COX7B2: variants seen among roughly 807,000 people sequenced by gnomAD.
The protein encoded by COX7B2 is cytochrome c oxidase subunit 7B2.
For synonymous variants in COX7B2, 37 were observed against 32.1 expected (o/e 1.15, Z -0.51); for missense variants, 109 against 95.9 (o/e 1.14, Z -0.57).
intron 2 of COX7B2, among the ~76,000 whole-genome samples, chr4:46,762,441 G>A (rs1461082804): frequency 3.0e-5 from 4 of 131,408 alleles, no homozygotes; most frequent in Admixed American, 8.6e-5. Flanking sequence ...TATATATACT[G>A]TATATATATA....
intron 2 of COX7B2, among the ~76,000 whole-genome samples, chr4:46,792,929 A>G (rs1056636362): frequency 1.3e-5 from 2 of 152,212 alleles, no homozygotes; most frequent in Non-Finnish European, 2.9e-5. Flanking sequence ...AGAGATACAC[A>G]AAATATCTGC....
At chr4:46,892,638 A>G (rs1719496758) in intron 1 of COX7B2, among the ~76,000 whole-genome samples, 2 of 152,214 alleles carry the variant, frequency 1.3e-5, no homozygotes, top group South Asian at 4.1e-4. Context: ...TAATCAGAAA[A>G]AAATGACTCC....
rs1714283774 is a variant in COX7B2, at chr4:46,735,117, T to G, written c.76A>C (p.Ser26Arg). The G allele has an allele frequency of 3.7e-6, 6 of 1,613,578 alleles. No homozygotes were observed. The highest frequency in any genetic ancestry group is 3.3e-5 in the Admixed American group (2 of 59,952). Reference protein sequence around the residue: ...QSILQSMARHSHVKHSPDFHD... With the variant: ...QSILQSMARHRHVKHSPDFHD... ...AAATCTGGTGAGTGTTTTACATGGCTATGTCTTGCCATGCTTTGCAGAATG... is the reference window on the plus strand; with the variant it reads ...AAATCTGGTGAGTGTTTTACATGGCGATGTCTTGCCATGCTTTGCAGAATG... Residue 26 changes from serine (S) to arginine (R), a missense_variant, in exon 3 of 3, where the codon AGC (serine) becomes CGC (arginine). Coordinates refer to ENST00000355591, the MANE Select transcript of COX7B2 (RefSeq NM_130902.3).
intron 2 of COX7B2, among the ~76,000 whole-genome samples, chr4:46,807,517 G>C (rs1719066534): frequency 6.6e-6 from 1 of 151,798 alleles, no homozygotes; most frequent in Admixed American, 6.6e-5. Flanking sequence ...GTTTGATGTA[G>C]TCTCATTTAT....
chr4:46,861,760 C>A (rs1451783724), intron 1 of COX7B2, among the ~76,000 whole-genome samples: 2 of 152,274 alleles, frequency 1.3e-5, no homozygotes, highest in East Asian at 3.9e-4. Flanking sequence ...CATGTTACTT[C>A]CAGGCACGAA....
At chr4:46,852,005 G>C (rs1415130377) in intron 1 of COX7B2, among the ~76,000 whole-genome samples, 1 of 151,914 alleles carries the variant, frequency 6.6e-6, no homozygotes, top group African/African-American at 2.4e-5. Flanking sequence ...GCAAAATCCT[G>C]TTTCTCCCAA....
At chr4:46,782,678 AC>A (rs1253003582) in intron 2 of COX7B2, among the ~76,000 whole-genome samples, 27 of 152,206 alleles carry the variant, frequency 1.8e-4, no homozygotes, top group Admixed American at 1.8e-3. Context: ...GAGCTGTAAC[AC>A]TCACCATGAA....
chr4:46,779,382 T>TTG (rs1560375178), intron 2 of COX7B2, among the ~76,000 whole-genome samples: 2 of 152,160 alleles, frequency 1.3e-5, no homozygotes, highest in African/African-American at 4.8e-5. Flanking sequence ...TAATATTCCG[T>TTG]TGTGTATATA....
At chr4:46,883,898 G>C (rs1718903899) in intron 1 of COX7B2, among the ~76,000 whole-genome samples, 1 of 151,886 alleles carries the variant, frequency 6.6e-6, no homozygotes, top group Admixed American at 6.6e-5. Context: ...AATCATCCTG[G>C]AAACATGATG....
At chr4:46,761,224 T>C (rs1297326630) in intron 2 of COX7B2, among the ~76,000 whole-genome samples, 1 of 152,112 alleles carries the variant, frequency 6.6e-6, no homozygotes, top group African/African-American at 2.4e-5. Flanking sequence ...AACCAGAGCT[T>C]CTTGAAAAAT....
chr4:46,796,178 T>C (rs1718328153), intron 2 of COX7B2, among the ~76,000 whole-genome samples: 1 of 139,198 alleles, frequency 7.2e-6, no homozygotes, highest in South Asian at 2.3e-4. Flanking sequence ...TTTTCCTAAT[T>C]GAATACCCTT....
At chr4:46,740,420 A>G (rs1212624231) in intron 2 of COX7B2, among the ~76,000 whole-genome samples, 1 of 152,096 alleles carries the variant, frequency 6.6e-6, no homozygotes, top group Non-Finnish European at 1.5e-5. Context: ...TTAAGCTCCC[A>G]ATATAATGAA....
intron 2 of COX7B2, among the ~76,000 whole-genome samples, chr4:46,801,107 G>A (rs185848585): frequency 6.6e-6 from 1 of 151,966 alleles, no homozygotes; most frequent in African/African-American, 2.4e-5. Flanking sequence ...GGCAAACCTA[G>A]GGAGAAAAGA....
chr4:46,884,424 G>A lies in COX7B2; in HGVS notation c.-105+24736C>T, dbSNP rs546381066. Among the ~76,000 whole-genome samples the A allele has an allele frequency of 1.6e-3, 248 of 152,272 alleles. 3 individuals are homozygous for A. Among genetic ancestry groups the A allele is most frequent in the African/African-American group, 5.7e-3 (238 of 41,564 alleles). Reference sequence around the variant, plus strand: ...CCTTAATTATTCTGATTAATAGAAGGTTCCAATTTGTATTATCTCAGTTTT... The same window carrying A: ...CCTTAATTATTCTGATTAATAGAAGATTCCAATTTGTATTATCTCAGTTTT... On this transcript the variant is annotated intron_variant, in intron 1 of 2. Coordinates refer to ENST00000355591, the MANE Select transcript of COX7B2 (RefSeq NM_130902.3).
chr4:46,771,165 A>G (rs1716854674), intron 2 of COX7B2, among the ~76,000 whole-genome samples: 5 of 152,232 alleles, frequency 3.3e-5, no homozygotes, highest in Admixed American at 1.3e-4. Flanking sequence ...CTGAAAAGAC[A>G]TTTATCCATA....
chr4:46,762,938 C>T (rs1431315025), intron 2 of COX7B2, among the ~76,000 whole-genome samples: 1 of 141,122 alleles, frequency 7.1e-6, no homozygotes, highest in East Asian at 2.0e-4. Flanking sequence ...CATATATATA[C>T]CACATATATA....
At chr4:46,889,774 T>A (rs749317693) in intron 1 of COX7B2, among the ~76,000 whole-genome samples, 2 of 152,158 alleles carry the variant, frequency 1.3e-5, no homozygotes, top group Non-Finnish European at 2.9e-5. Flanking sequence ...CAGTAAATAT[T>A]CTTGGTTCAC....
At chr4:46,868,751 T>C (rs1235954499) in intron 1 of COX7B2, among the ~76,000 whole-genome samples, 2 of 152,310 alleles carry the variant, frequency 1.3e-5, no homozygotes, top group Middle Eastern at 3.4e-3. Context: ...GGTATGATTG[T>C]GGTTCTTTCG....
intron 1 of COX7B2, among the ~76,000 whole-genome samples, chr4:46,846,850 G>T (rs796593054): frequency 6.6e-6 from 1 of 152,104 alleles, no homozygotes; most frequent in East Asian, 1.9e-4. Context: ...TAGAGTCAAG[G>T]ATGATACAAA....
Sources: gnomAD v4.1 joint callset for allele counts (sites outside exome capture counted in the v4.1 genomes callset) on GRCh38, gnomAD v4.1.1 for gene constraint, MANE v1.5 for transcripts, NCBI Gene and HGNC (gene_info 2026-07-23, HGNC 2026-07-21) for gene names.